The following SPDYE14 variants were observed in gnomAD, a reference collection of about 807,000 sequenced individuals.
SPDYE14 encodes the protein speedy protein E14.
At chr7:75,240,440 A>G in the SPDYE14 span, among the ~76,000 whole-genome samples, 3 of 53,376 alleles carry the variant, frequency 5.6e-5, 1 homozygote, top group African/African-American at 1.4e-4. Context: ...CACTGAAAAT[A>G]CAAAAATTAG....
chr7:75,255,116 C>CTCTT, the SPDYE14 span, among the ~76,000 whole-genome samples: 70 of 21,204 alleles, frequency 3.3e-3, 11 homozygotes, highest in East Asian at 0.056. Context: ...TTCTTTCTTT[C>CTCTT]TCTTTCTTTC....
At chr7:75,272,899 C>A in the SPDYE14 span, among the ~76,000 whole-genome samples, 9 of 41,130 alleles carry the variant, frequency 2.2e-4, 1 homozygote, top group African/African-American at 3.8e-4. Flanking sequence ...AAAAAAAAAA[C>A]AAAAAAAGAA....
chr7:75,241,695 A>ATATTT, the SPDYE14 span, among the ~76,000 whole-genome samples: 2 of 15,490 alleles, frequency 1.3e-4, no homozygotes, highest in African/African-American at 1.7e-4. Context: ...ATATATATAT[A>ATATTT]TTTTTTTTTT....
At chr7:75,241,689 ATATATAT>A in the SPDYE14 span, among the ~76,000 whole-genome samples, 1 of 24,802 alleles carries the variant, frequency 4.0e-5, no homozygotes, top group Non-Finnish European at 9.7e-5. Flanking sequence ...AAATATATAT[ATATATAT>A]TTTTTTTTTT....
At chr7:75,254,766 T>C in the SPDYE14 span, among the ~76,000 whole-genome samples, 3 of 2,644 alleles carry the variant, frequency 1.1e-3, no homozygotes, top group Admixed American at 9.1e-3. Flanking sequence ...CCTTCTCCTC[T>C]CCTTCCCCTC....
At chr7:75,303,511 T>C in the SPDYE14 span, among the ~76,000 whole-genome samples, 1 of 21,400 alleles carries the variant, frequency 4.7e-5, no homozygotes, top group South Asian at 1.6e-3. Flanking sequence ...ACACACACAA[T>C]TAGCCAGGCG....
chr7:75,261,106 C>T, the SPDYE14 span, among the ~76,000 whole-genome samples: 3 of 92,402 alleles, frequency 3.2e-5, 1 homozygote, highest in African/African-American at 8.3e-5. Flanking sequence ...GCCTGGGTGA[C>T]GAGTGAGATT....
At chr7:75,262,400 A>G in the SPDYE14 span, among the ~76,000 whole-genome samples, 1 of 56,880 alleles carries the variant, frequency 1.8e-5, no homozygotes. Context: ...TAATAGAGAT[A>G]GGGTTTCAAC....
the SPDYE14 span, among the ~76,000 whole-genome samples, chr7:75,251,512 G>C: frequency 9.0e-5 from 5 of 55,660 alleles, 1 homozygote; most frequent in African/African-American, 2.3e-4. Context: ...AATTTTGTCT[G>C]TGTGTGTGTG....
chr7:75,279,594 G>T, the SPDYE14 span, among the ~76,000 whole-genome samples: 2 of 28,626 alleles, frequency 7.0e-5, 1 homozygote, highest in Non-Finnish European at 1.6e-4. Context: ...TGGGAATACA[G>T]GTGCCCGCAA....
the SPDYE14 span, among the ~76,000 whole-genome samples, chr7:75,247,525 A>G: frequency 3.5e-5 from 4 of 115,584 alleles, 1 homozygote; most frequent in African/African-American, 1.1e-4. Flanking sequence ...AGAAAGAAAG[A>G]AGAAAGAAAA....
At chr7:75,260,967 A>G in the SPDYE14 span, among the ~76,000 whole-genome samples, 2 of 57,342 alleles carry the variant, frequency 3.5e-5, 1 homozygote, top group African/African-American at 8.4e-5. Flanking sequence ...TCTACTAAAA[A>G]TACAAAAATT....
chr7:75,266,188 G>T, the SPDYE14 span, among the ~76,000 whole-genome samples: 1 of 11,794 alleles, frequency 8.5e-5, no homozygotes, highest in Non-Finnish European at 2.4e-4. Flanking sequence ...ATGGAGTCTT[G>T]CTCTGTCATC....
the SPDYE14 span, chr7:75,237,789 C>G: frequency 2.7e-5 from 3 of 113,024 alleles, no homozygotes; most frequent in Middle Eastern, 3.5e-3. Flanking sequence ...CCTGGGGGGG[C>G]TCCCCCGGTG....
the SPDYE14 span, chr7:75,237,487 C>G: frequency 7.7e-5 from 1 of 13,062 alleles, no homozygotes; most frequent in African/African-American, 1.5e-4. Flanking sequence ...CCTGCCGGCA[C>G]CGACAGCCGG....
the SPDYE14 span, among the ~76,000 whole-genome samples, chr7:75,255,192 T>G: frequency 2.7e-5 from 1 of 37,044 alleles, no homozygotes; most frequent in Non-Finnish European, 6.4e-5. Context: ...TTCCTTTTTT[T>G]TTTGGAGTCT....
the SPDYE14 span, among the ~76,000 whole-genome samples, chr7:75,279,460 T>C: frequency 5.0e-5 from 6 of 120,734 alleles, no homozygotes; most frequent in Non-Finnish European, 1.0e-4. Flanking sequence ...CTATTTTTTT[T>C]TTTTTTTGAG....
chr7:75,244,831 T>C, the SPDYE14 span, among the ~76,000 whole-genome samples: 1 of 116,066 alleles, frequency 8.6e-6, no homozygotes, highest in Non-Finnish European at 1.9e-5. Flanking sequence ...TGGTGGCTTA[T>C]GCCTGTAATC....
chr7:75,274,499 C>CTT, the SPDYE14 span, among the ~76,000 whole-genome samples: 22 of 13,048 alleles, frequency 1.7e-3, 1 homozygote, highest in African/African-American at 4.4e-3. Context: ...CTAGTCCTGG[C>CTT]TTTTTTTTTT....
Sources: gnomAD v4.1 joint callset for allele counts (sites outside exome capture counted in the v4.1 genomes callset) on GRCh38, gnomAD v4.1.1 for gene constraint, MANE v1.5 for transcripts, NCBI Gene and HGNC (gene_info 2026-07-23, HGNC 2026-07-21) for gene names.